Variants in BRCA2 observed in about 807,000 individuals in gnomAD.
The protein encoded by BRCA2 is breast cancer type 2 susceptibility protein.
BRCA2 carries 203 observed loss-of-function variants against 276.7 expected under a neutral mutation model. The observed-to-expected ratio is 0.73, with a 90% CI of 0.65 to 0.82. The LOEUF (loss-of-function observed/expected upper bound fraction) is 0.82. Among genes scored for constraint, BRCA2 ranks in the 40% least tolerant of loss-of-function variants. The pLI is 0.00. For synonymous variants in BRCA2, 1,289 were observed against 1,338.4 expected (o/e 0.96, Z 0.81); for missense variants, 3,920 against 3,915.0 (o/e 1.00, Z -0.03).
At chr13:32,374,222 A>G (rs1290273227) in intron 20 of BRCA2, among the ~76,000 whole-genome samples, 5 of 152,250 alleles carry the variant, frequency 3.3e-5, no homozygotes, top group African/African-American at 9.6e-5. Flanking sequence ...AGAAGGGTCT[A>G]CTGTGGAGAT....
intron 16 of BRCA2, among the ~76,000 whole-genome samples, chr13:32,361,339 T>G (rs1239852484): frequency 6.6e-6 from 1 of 152,142 alleles, no homozygotes; most frequent in Admixed American, 6.5e-5. Context: ...CTAATGTTAT[T>G]AAAAATAGCT....
chr13:32,397,076 AG>A (rs2073042463), intron 26 of BRCA2, 32 bp downstream of exon 26: 8 of 1,601,644 alleles, frequency 5.0e-6, no homozygotes, highest in Non-Finnish European at 6.8e-6. Flanking sequence ...GAATATTATA[AG>A]AAGTATATAT....
chr13:32,386,658 G>A (rs1237933253), intron 24 of BRCA2, among the ~76,000 whole-genome samples: 11 of 151,448 alleles, frequency 7.3e-5, no homozygotes, highest in African/African-American at 1.9e-4. Flanking sequence ...TGAGAAGGTC[G>A]GTGCCATGAC....
At chr13:32,376,838 G>A (rs897718225) in intron 21 of BRCA2, 47 bp downstream of exon 21, 3 of 1,607,760 alleles carry the variant, frequency 1.9e-6, no homozygotes, top group Admixed American at 1.7e-5. Context: ...ATTATTCAAG[G>A]TGAGAAGCTG....
rs397507393 is a variant in BRCA2, at chr13:32,331,021, G to C, written c.784G>C (p.Ala262Pro). ...TGAAAACACAAATCAAAGAGAAGCTGCAAGTCATGGTAAGTCCTCTGTTTA... is the reference window on the plus strand; with the variant it reads ...TGAAAACACAAATCAAAGAGAAGCTCCAAGTCATGGTAAGTCCTCTGTTTA... ...DSENTNQREA[A>P]SHGFGKTSGN... The change falls in exon 9 of 27, where the codon GCA becomes CCA. Residue 262 changes from alanine to proline, a missense_variant. Coordinates refer to ENST00000380152, the MANE Select transcript of BRCA2 (RefSeq NM_000059.4). 3 of 1,607,122 alleles carry C rather than the reference G, an allele frequency of 1.9e-6. No homozygotes were observed. The highest frequency in any genetic ancestry group is 2.6e-6 in the Non-Finnish European group (3 of 1,174,092).
Position 32,330,967 on chromosome 13 carries a change from G to T in BRCA2, c.730G>T (p.Asp244Tyr), listed in dbSNP as rs80358956. ...SNHDESLKKN[D>Y]RFIASVTDSE... is the part of the protein sequence containing the mutation. ...TCATGATGAAAGTCTGAAGAAAAATGATAGATTTATCGCTTCTGTGACAGA... is the reference window on the plus strand; with the variant it reads ...TCATGATGAAAGTCTGAAGAAAAATTATAGATTTATCGCTTCTGTGACAGA... The change falls in exon 9 of 27, where the codon GAT becomes TAT. Residue 244 changes from aspartate (D) to tyrosine (Y), a missense_variant. Physicochemically the swap from Asp to Tyr is radical, Grantham distance 160 (BLOSUM62 -3). This residue lies in a region of BRCA2 where 3,263 missense variants were observed against 3,156.9 expected (regional missense o/e 1.03). Transcript: ENST00000380152. 19 of 1,613,622 alleles carry T rather than the reference G, an allele frequency of 1.2e-5. No individual in the cohort carries two copies. Among genetic ancestry groups the T allele is most frequent in the Non-Finnish European group, 1.6e-5 (19 of 1,179,670 alleles).
intron 3 of BRCA2, among the ~76,000 whole-genome samples, chr13:32,323,655 G>A (rs556355406): frequency 1.5e-4 from 23 of 152,138 alleles, no homozygotes; most frequent in Non-Finnish European, 3.1e-4. Flanking sequence ...TATTTAGGCT[G>A]CTACAAACAG....
intron 12 of BRCA2, among the ~76,000 whole-genome samples, chr13:32,345,319 T>C (rs1048360615): frequency 3.9e-5 from 6 of 152,070 alleles, no homozygotes; most frequent in Non-Finnish European, 5.9e-5. Flanking sequence ...CGCACTGAAG[T>C]ATGCAAGCAT....
At position 32,356,586 on chromosome 13, in the gene BRCA2, C is replaced by T. The variant is rs397507388; in HGVS notation, c.7594C>T (p.Pro2532Ser). Reference protein sequence around the residue: ...SLKAAVGGQVPSACSHKQLYT... With the variant: ...SLKAAVGGQVSSACSHKQLYT... ...GAAAGCAGCAGTAGGAGGCCAAGTT[C>T]CCTCTGCGTGTTCTCATAAACAGGT... Residue 2532 changes from proline (P) to serine (S), a missense_variant, in exon 15 of 27, where the codon CCC becomes TCC. Around this residue, in one of 2 missense-constraint regions of BRCA2, gnomAD observed 3,263 missense variants for 3,156.9 expected, o/e 1.03. Coordinates refer to ENST00000380152, the MANE Select transcript of BRCA2 (RefSeq NM_000059.4). The T allele has an allele frequency of 6.2e-7, 1 of 1,614,220 alleles. No homozygotes were observed. The highest frequency in any genetic ancestry group is 8.5e-7 in the Non-Finnish European group (1 of 1,180,042).
At chr13:32,347,007 C>A in intron 13 of BRCA2, 111 bp downstream of exon 13, 2 of 741,588 alleles carry the variant, frequency 2.7e-6, no homozygotes, top group Non-Finnish European at 2.1e-6. Flanking sequence ...GTTAACACTT[C>A]CCGTTTTATA....
intron 3 of BRCA2, among the ~76,000 whole-genome samples, chr13:32,323,265 G>A (rs1428338381): frequency 6.7e-6 from 1 of 150,196 alleles, no homozygotes; most frequent in Non-Finnish European, 1.5e-5. Flanking sequence ...CCATTCTCCT[G>A]CCTTAGCCTC....
In BRCA2 at chr13:32,332,638, T is replaced by C. The variant is rs373945846; in HGVS notation, c.1160T>C (p.Val387Ala). The change falls in exon 10 of 27, where the codon GTT (valine) becomes GCT (alanine). Residue 387 changes from valine to alanine, a missense_variant. By Grantham distance (64) the Val-to-Ala change is moderately conservative. Transcript: ENST00000380152. ...GGAAGTGACAAAATCTCCAAGGAAG[T>C]TGTACCGTCTTTGGCCTGTGAATGG... Reference protein sequence around the residue: ...ESGSDKISKEVVPSLACEWSQ... With the variant: ...ESGSDKISKEAVPSLACEWSQ... The C allele has an allele frequency of 7.4e-6, 12 of 1,614,048 alleles. No individual in the cohort carries two copies. In the South Asian group the frequency reaches 9.9e-5, roughly 13 times the overall value.
intron 18 of BRCA2, among the ~76,000 whole-genome samples, chr13:32,368,669 C>G (rs1420914012): frequency 6.6e-6 from 1 of 151,976 alleles, no homozygotes; most frequent in African/African-American, 2.4e-5. Flanking sequence ...TAGTTTTTAA[C>G]TAGGAGACCC....
At chr13:32,325,022 C>A in intron 3 of BRCA2, 54 bp from the exon 4 acceptor site, 1 of 1,286,366 alleles carries the variant, frequency 7.8e-7, no homozygotes, top group Non-Finnish European at 1.1e-6. Flanking sequence ...CCAAAGAATG[C>A]AAATTTATAA....
At chr13:32,318,431 T>G (rs1024817957) in intron 2 of BRCA2, among the ~76,000 whole-genome samples, 1 of 151,768 alleles carries the variant, frequency 6.6e-6, no homozygotes, top group Non-Finnish European at 1.5e-5. Context: ...ATTTTATCTG[T>G]GGAATGTATT....
At chr13:32,327,119 C>G (rs777680444) in intron 7 of BRCA2, among the ~76,000 whole-genome samples, 1 of 152,232 alleles carries the variant, frequency 6.6e-6, no homozygotes, top group African/African-American at 2.4e-5. Context: ...TCTTTGCAGT[C>G]TCACCACAGT....
chr13:32,364,744 A>C (rs11571725), intron 18 of BRCA2, among the ~76,000 whole-genome samples: 6 of 151,916 alleles, frequency 3.9e-5, no homozygotes, highest in African/African-American at 1.5e-4. Context: ...ATATGTTAAA[A>C]TTTCTCCATT....
At position 32,399,325 on chromosome 13, in the gene BRCA2, T is replaced by C. The variant is rs1449648288; in HGVS notation, c.*555T>C. Reference sequence around the variant, plus strand: ...TTAGTTTAGCTACTATTTTAGGGGATTTTTTTTAGAGGTAACTCACTATGA... The same window carrying C: ...TTAGTTTAGCTACTATTTTAGGGGACTTTTTTTAGAGGTAACTCACTATGA... On this transcript the variant is annotated 3_prime_UTR_variant, in exon 27 of 27. Transcript: ENST00000380152. The C allele has an allele frequency of 5.2e-6, 1 of 192,586 alleles. No individual in the cohort carries two copies. The highest frequency in any genetic ancestry group is 6.1e-5 in the Admixed American group (1 of 16,288). The allele number at this position is 192,586 out of a possible 1,614,324, so 11.9% of individuals were successfully genotyped here.
rs786203493 is a variant in BRCA2, at chr13:32,354,934, C to T, written c.7081C>T (p.His2361Tyr). The change falls in exon 14 of 27, where the codon CAT (histidine) becomes TAT (tyrosine). Residue 2361 changes from histidine (H) to tyrosine (Y), a missense_variant. Transcript: ENST00000380152. Reference sequence around the variant, plus strand: ...TGGTCAAGAATTTCTGTCTAAATCTCATTTGTATGAACATCTGACTTTGGA... The same window carrying T: ...TGGTCAAGAATTTCTGTCTAAATCTTATTTGTATGAACATCTGACTTTGGA... The part of the protein sequence containing the change: ...APGQEFLSKS[H>Y]LYEHLTLEKS... The T allele has an allele frequency of 3.7e-6, 6 of 1,613,846 alleles. No homozygotes were observed. Among genetic ancestry groups the T allele is most frequent in the Non-Finnish European group, 3.4e-6 (4 of 1,179,894 alleles).
Sources: gnomAD v4.1 joint callset for allele counts (sites outside exome capture counted in the v4.1 genomes callset) on GRCh38, gnomAD v4.1.1 for gene constraint, gnomAD v4.1.1 regional missense constraint, MANE v1.5 for transcripts, NCBI Gene and HGNC (gene_info 2026-07-23, HGNC 2026-07-21) for gene names.